Variants in TRIM5 observed in about 807,000 individuals in gnomAD.
The protein encoded by TRIM5 is tripartite motif containing 5, also known as tripartite motif-containing protein 5.
A neutral mutation model predicts 35.6 loss-of-function variants in TRIM5; 31 were observed. The observed-to-expected ratio is 0.87, with a 90% CI of 0.65 to 1.18. The LOEUF (loss-of-function observed/expected upper bound fraction) is 1.18, where lower values mean the gene tolerates loss of function less well. Among genes scored for constraint, TRIM5 ranks in the 50% most tolerant of loss-of-function variants. The pLI is 0.00. For missense variants in TRIM5, 609 were observed against 591.6 expected (o/e 1.03, Z -0.31); for synonymous variants, 243 against 215.6 (o/e 1.13, Z -1.11).
the TRIM5 span, among the ~76,000 whole-genome samples, chr11:5,640,038 A>G: frequency 6.6e-6 from 1 of 152,226 alleles, no homozygotes; most frequent in Non-Finnish European, 1.5e-5. Context: ...ATTGTTGACT[A>G]TAGTCACACT....
At chr11:5,683,431 C>G (rs1852702327) in intron 1 of TRIM5, among the ~76,000 whole-genome samples, 1 of 152,232 alleles carries the variant, frequency 6.6e-6, no homozygotes, top group Non-Finnish European at 1.5e-5. Flanking sequence ...ATGCACCAAT[C>G]AGCACCCTGT....
the TRIM5 span, among the ~76,000 whole-genome samples, chr11:5,639,691 A>T: frequency 6.7e-6 from 1 of 149,120 alleles, no homozygotes; most frequent in African/African-American, 2.5e-5. Context: ...AAAAAAAAAA[A>T]AAAAAAAAAA....
the TRIM5 span, among the ~76,000 whole-genome samples, chr11:5,657,206 C>G: frequency 3.9e-4 from 60 of 152,100 alleles, 1 homozygote; most frequent in Non-Finnish European, 6.8e-4. Flanking sequence ...CAAACTAACA[C>G]AGGAACAGAA....
At chr11:5,673,716 G>A (rs1851736005) in intron 4 of TRIM5, among the ~76,000 whole-genome samples, 1 of 151,994 alleles carries the variant, frequency 6.6e-6, no homozygotes, top group African/African-American at 2.4e-5. Context: ...GATAAAATAA[G>A]TTATCTGATT....
chr11:5,634,498 C>CAT, the TRIM5 span: 35 of 296,886 alleles, frequency 1.2e-4, no homozygotes, highest in Admixed American at 1.5e-3. Flanking sequence ...TAAATACACA[C>CAT]ACACACACAC....
intron 4 of TRIM5, among the ~76,000 whole-genome samples, chr11:5,669,276 C>A (rs529703873): frequency 6.6e-6 from 1 of 151,900 alleles, no homozygotes; most frequent in South Asian, 2.1e-4. Context: ...GACAGGGTTT[C>A]TCCATGTTGG....
chr11:5,664,525 C>T lies in TRIM5; in HGVS notation c.*284G>A, dbSNP rs55912112. 2.0e-3 allele frequency: 2,238 copies of T among 1,111,002 alleles called. 40 individuals are homozygous for T. The African/African-American group carries it at 0.032, about 16-fold the overall frequency. The allele number at this position is 1,111,002 out of a possible 1,614,324, so 68.8% of individuals were successfully genotyped here. On this transcript the variant is annotated 3_prime_UTR_variant, in exon 8 of 8. Coordinates refer to ENST00000380034, the MANE Select transcript of TRIM5 (RefSeq NM_033034.3). ...AGGCAATTGGGTGATAAATATCTGG[C>T]AGAAGTAATACCTAAATAGCGGTCT... is the stretch of plus-strand genomic sequence containing the variant.
chr11:5,591,282 G>T, the TRIM5 span, among the ~76,000 whole-genome samples: 1 of 152,202 alleles, frequency 6.6e-6, no homozygotes, highest in Non-Finnish European at 1.5e-5. Context: ...CTTGCCTCTT[G>T]ACATACAAGC....
the TRIM5 span, among the ~76,000 whole-genome samples, chr11:5,602,023 C>T: frequency 8.3e-4 from 126 of 152,152 alleles, no homozygotes; most frequent in African/African-American, 2.9e-3. Context: ...AAGTTGAGGA[C>T]CTATATGTCA....
At chr11:5,646,725 T>G in the TRIM5 span, among the ~76,000 whole-genome samples, 2 of 152,314 alleles carry the variant, frequency 1.3e-5, no homozygotes, top group Admixed American at 6.5e-5. Context: ...ACTGATGTAC[T>G]TGAACTCTGT....
the TRIM5 span, among the ~76,000 whole-genome samples, chr11:5,628,804 T>C: frequency 2.0e-5 from 2 of 100,068 alleles, no homozygotes; most frequent in Non-Finnish European, 2.9e-5. Flanking sequence ...GCGGCAAAGT[T>C]GATTTTTTTT....
the TRIM5 span, among the ~76,000 whole-genome samples, chr11:5,652,182 G>A: frequency 2.6e-5 from 4 of 151,844 alleles, no homozygotes; most frequent in Admixed American, 2.0e-4. Context: ...GATCCCATTC[G>A]TCAACATTTG....
the TRIM5 span, chr11:5,633,827 G>A: frequency 3.1e-5 from 50 of 1,613,930 alleles, no homozygotes; most frequent in Non-Finnish European, 4.1e-5. Context: ...CAGTCCTCAA[G>A]AGGCTGAAGA....
At chr11:5,641,239 T>G in the TRIM5 span, 1 of 1,613,282 alleles carries the variant, frequency 6.2e-7, no homozygotes, top group Non-Finnish European at 8.5e-7. Flanking sequence ...AAGAAGTGTT[T>G]GTAGCTATTA....
At chr11:5,608,178 A>C in the TRIM5 span, among the ~76,000 whole-genome samples, 1 of 152,196 alleles carries the variant, frequency 6.6e-6, no homozygotes, top group Non-Finnish European at 1.5e-5. Context: ...TGATGAGTCA[A>C]TTGAGTTATT....
At chr11:5,610,633 C>A in the TRIM5 span, 2 of 1,580,970 alleles carry the variant, frequency 1.3e-6, no homozygotes, top group South Asian at 1.2e-5. Flanking sequence ...CCAGACATAG[C>A]CACACAGATC....
At chr11:5,633,497 G>A in the TRIM5 span, among the ~76,000 whole-genome samples, 1 of 152,142 alleles carries the variant, frequency 6.6e-6, no homozygotes, top group African/African-American at 2.4e-5. Context: ...AATTGCTAAG[G>A]AACATTGTGG....
the TRIM5 span, chr11:5,643,774 A>G: frequency 1.3e-6 from 2 of 1,517,166 alleles, no homozygotes; most frequent in Non-Finnish European, 1.8e-6. Context: ...ACTCATCTGC[A>G]ACATTCACAC....
the TRIM5 span, chr11:5,634,674 A>G: frequency 6.2e-7 from 1 of 1,614,020 alleles, no homozygotes; most frequent in African/African-American, 1.3e-5. Context: ...ACAGAATTTG[A>G]TCAGCTTAGA....
Sources: allele counts gnomAD v4.1 joint callset (sites outside exome capture counted in the v4.1 genomes callset), GRCh38; gene constraint gnomAD v4.1.1; transcripts MANE v1.5; gene names NCBI Gene and HGNC (gene_info 2026-07-23, HGNC 2026-07-21).